HECW2: variants seen among roughly 807,000 people sequenced by gnomAD.
The protein encoded by HECW2 is E3 ubiquitin-protein ligase HECW2.
In HECW2, 61 loss-of-function variants were observed where a neutral mutation model predicts 175.2. The ratio of observed to expected loss-of-function variants is 0.35; its 90% CI spans 0.28 to 0.43. The LOEUF is 0.43. HECW2 is among the 20% of genes least tolerant of loss of function. HECW2 has a pLI of 1.00. For synonymous variants in HECW2, 671 were observed against 731.0 expected, an observed-to-expected ratio of 0.92 and a Z score of 1.32; for missense variants, 1,524 against 2,000.5, an observed-to-expected ratio of 0.76 and a Z score of 4.54.
At chr2:196,223,281 C>T (rs946458598) in intron 23 of HECW2, among the ~76,000 whole-genome samples, 1 of 152,114 alleles carries the variant, frequency 6.6e-6, no homozygotes, top group African/African-American at 2.4e-5. Flanking sequence ...TGTCACACTT[C>T]AATTTAAGAA....
intron 1 of HECW2, among the ~76,000 whole-genome samples, chr2:196,524,325 C>T (rs1688546867): frequency 9.0e-6 from 1 of 111,500 alleles, no homozygotes; most frequent in Non-Finnish European, 1.7e-5. Context: ...TGGTGATATC[C>T]CCTTTATCAT....
At chr2:196,360,415 G>A (rs537352988) in intron 2 of HECW2, among the ~76,000 whole-genome samples, 2 of 152,246 alleles carry the variant, frequency 1.3e-5, no homozygotes, top group Non-Finnish European at 2.9e-5. Context: ...TGGAGCTGGA[G>A]GCCATTATTC....
chr2:196,466,298 G>A (rs1696950501), intron 1 of HECW2, among the ~76,000 whole-genome samples: 1 of 152,140 alleles, frequency 6.6e-6, no homozygotes, highest in East Asian at 1.9e-4. Flanking sequence ...CAGGTTGTTG[G>A]CTTGAATTAA....
At chr2:196,545,948 C>A (rs1304899217) in intron 1 of HECW2, among the ~76,000 whole-genome samples, 1 of 152,198 alleles carries the variant, frequency 6.6e-6, no homozygotes. Flanking sequence ...CAAAATGACA[C>A]ACTGAATAGT....
chr2:196,578,303 G>A (rs1690634028), intron 1 of HECW2, among the ~76,000 whole-genome samples: 1 of 152,132 alleles, frequency 6.6e-6, no homozygotes, highest in Admixed American at 6.6e-5. Flanking sequence ...TATATCAACT[G>A]AGGTTATGCT....
Position 196,263,965 on chromosome 2 carries a change from T to C in HECW2, c.3336-6059A>G, listed in dbSNP as rs188513538. The stretch of plus-strand genomic sequence containing the variant: ...TTTATTCCTTTTTCAACAGACAGTA[T>C]GATCTATTGAAAATAAAGCCAAACT... On this transcript the variant is annotated intron_variant, in intron 17 of 28. Transcript: ENST00000644978. 53 of 152,336 alleles carry C rather than the reference T, an allele frequency of 3.5e-4. 1 individual carries two copies. The East Asian group carries it at 9.8e-3, about 28-fold the overall frequency. 9.4% of individuals were successfully genotyped at this position (152,336 alleles called of 1,614,324 possible). A position where few individuals can be genotyped will look rare whatever the true frequency, so the allele number is the denominator to read the frequency against.
chr2:196,252,216 A>AT (rs1553637359), intron 19 of HECW2, among the ~76,000 whole-genome samples: 6 of 104,076 alleles, frequency 5.8e-5, no homozygotes, highest in Non-Finnish European at 1.2e-4. Flanking sequence ...AATAATAATA[A>AT]GGCTTCAATG....
At chr2:196,543,481 C>T (rs1689297117) in intron 1 of HECW2, among the ~76,000 whole-genome samples, 1 of 151,984 alleles carries the variant, frequency 6.6e-6, no homozygotes, top group Non-Finnish European at 1.5e-5. Flanking sequence ...AATTATTGAT[C>T]TTATTATAGA....
intron 1 of HECW2, among the ~76,000 whole-genome samples, chr2:196,523,541 C>T (rs1688504584): frequency 6.7e-6 from 1 of 149,352 alleles, no homozygotes; most frequent in Non-Finnish European, 1.5e-5. Context: ...AGAGGGCATC[C>T]CTGTCTTGTG....
At chr2:196,377,368 A>T (rs1446854842) in intron 2 of HECW2, among the ~76,000 whole-genome samples, 1 of 152,234 alleles carries the variant, frequency 6.6e-6, no homozygotes, top group Non-Finnish European at 1.5e-5. Flanking sequence ...TCATAAAGAC[A>T]TACCCGAAAC....
chr2:196,201,857 T>C (rs1263546193), intron 28 of HECW2, among the ~76,000 whole-genome samples: 1 of 152,178 alleles, frequency 6.6e-6, no homozygotes. Flanking sequence ...GAGGAGCCAG[T>C]GTCTCTGAGG....
chr2:196,497,942 A>T (rs910979514), intron 1 of HECW2, among the ~76,000 whole-genome samples: 13 of 152,336 alleles, frequency 8.5e-5, no homozygotes, highest in African/African-American at 2.9e-4. Context: ...GGCTGTCCAC[A>T]CTTTGTTGAA....
At chr2:196,203,007 G>T (rs550319659) in intron 28 of HECW2, among the ~76,000 whole-genome samples, 1 of 152,070 alleles carries the variant, frequency 6.6e-6, no homozygotes, top group Non-Finnish European at 1.5e-5. Flanking sequence ...AGTTTTGACC[G>T]CGTTTTTGAC....
intron 21 of HECW2, among the ~76,000 whole-genome samples, chr2:196,229,856 A>T (rs1672562368): frequency 6.6e-6 from 1 of 152,232 alleles, no homozygotes; most frequent in South Asian, 2.1e-4. Context: ...TGTCTTACAC[A>T]ATCTTTATAA....
At chr2:196,519,799 G>T (rs1688287074) in intron 1 of HECW2, among the ~76,000 whole-genome samples, 1 of 152,108 alleles carries the variant, frequency 6.6e-6, no homozygotes, top group Non-Finnish European at 1.5e-5. Context: ...TTTAAAATAC[G>T]AGAACTATAT....
chr2:196,536,399 A>G (rs1189655644), intron 1 of HECW2, among the ~76,000 whole-genome samples: 2 of 152,186 alleles, frequency 1.3e-5, no homozygotes, highest in East Asian at 3.8e-4. Context: ...AGAGAGCTGG[A>G]AAGATCAGAA....
rs568527095 is a variant in HECW2, at chr2:196,408,172, T to C, written c.292+24960A>G. On this transcript the variant is annotated intron_variant, in intron 2 of 28. Coordinates refer to ENST00000644978, the MANE Select transcript of HECW2 (RefSeq NM_001348768.2). ...TGATCAAAAGGCTGTGCTGAAAATC[T>C]AAGATTTATTCAATCTGAAGTCACA... 2.4e-4 allele frequency among the ~76,000 whole-genome samples: 37 copies of C among 152,360 alleles called. No homozygotes were observed. The South Asian group carries it at 7.2e-3, about 30-fold the overall frequency.
At chr2:196,271,320 T>TA in intron 16 of HECW2, 31 bp from the exon 17 acceptor site, 1 of 1,447,808 alleles carries the variant, frequency 6.9e-7, no homozygotes. Flanking sequence ...GACAACAATT[T>TA]AAAAAAGAAT....
At chr2:196,236,226 G>T (rs60259500) in intron 21 of HECW2, among the ~76,000 whole-genome samples, 4,310 of 152,154 alleles carry the variant, frequency 0.028, 173 homozygotes, top group African/African-American at 0.096. Context: ...TGCAGACAGA[G>T]GCATATACAT....
Sources: allele counts gnomAD v4.1 joint callset (sites outside exome capture counted in the v4.1 genomes callset), GRCh38; gene constraint gnomAD v4.1.1; transcripts MANE v1.5; gene names NCBI Gene and HGNC (gene_info 2026-07-23, HGNC 2026-07-21).